Variants in ANKRD17 observed in about 807,000 individuals in gnomAD.
The protein encoded by ANKRD17 is ankyrin repeat domain 17.
In ANKRD17, 19 loss-of-function variants were observed where a neutral mutation model predicts 229.7. The ratio of observed to expected loss-of-function variants is 0.08; its 90% CI spans 0.06 to 0.12. The LOEUF (loss-of-function observed/expected upper bound fraction) is 0.12, where lower values mean the gene tolerates loss of function less well. ANKRD17 is among the 10% of genes least tolerant of loss of function. The probability of loss-of-function intolerance (pLI) is 1.00; values close to 1 mark genes in which losing one functional copy is unlikely to be tolerated. For missense variants in ANKRD17, 2,176 were observed against 3,176.8 expected (o/e 0.68, Z 7.57); for synonymous variants, 1,112 against 1,146.1 (o/e 0.97, Z 0.60).
chr4:73,111,786 T>C (rs867344019), intron 24 of ANKRD17, among the ~76,000 whole-genome samples: 10 of 152,178 alleles, frequency 6.6e-5, no homozygotes, highest in Admixed American at 1.3e-4. Flanking sequence ...GATTCTGTTT[T>C]TTAAAAAAAG....
chr4:73,142,327 T>C lies in ANKRD17; in HGVS notation c.2144A>G (p.Tyr715Cys). 6.3e-7 allele frequency: 1 copy of C among 1,581,496 alleles called. No individual in the cohort carries two copies. The highest frequency in any genetic ancestry group is 2.2e-5 in the East Asian group (1 of 44,488). The change falls in exon 13 of 34, where the codon TAT becomes TGT. Residue 715 changes from tyrosine to cysteine, a missense_variant. Physicochemically the swap from Tyr to Cys is radical, Grantham distance 194. Coordinates refer to ENST00000358602, the MANE Select transcript of ANKRD17 (RefSeq NM_032217.5). ...CAAGTTATTAGGATAATCCAAGAGA[T>C]AGCAAACAACACTTGTATGGCCACC... ...AKGGHTSVVC[Y>C]LLDYPNNLLS...
At chr4:73,134,532 T>G (rs1311501766) in intron 16 of ANKRD17, among the ~76,000 whole-genome samples, 5 of 152,102 alleles carry the variant, frequency 3.3e-5, no homozygotes, top group Non-Finnish European at 7.4e-5. Flanking sequence ...TAATAAAAAA[T>G]TATACTTAAT....
chr4:73,084,113 G>A (rs908890018), intron 30 of ANKRD17, among the ~76,000 whole-genome samples: 1 of 152,116 alleles, frequency 6.6e-6, no homozygotes, highest in Non-Finnish European at 1.5e-5. Flanking sequence ...TAGGCCTGGT[G>A]GCTCACACCT....
rs921562046 is a variant in ANKRD17 at position 73,118,701 on chromosome 4, G to A, written c.4175C>T (p.Ala1392Val). ...ADNRKITPLM[A>V]AFRKGHVKVV... ...AAAGACTTATACCTTTCTAAATGCTGCCATAAGAGGAGTTATCTTGCGGTT... is the reference window on the plus strand; with the variant it reads ...AAAGACTTATACCTTTCTAAATGCTACCATAAGAGGAGTTATCTTGCGGTT... The change falls in exon 22 of 34, where the codon GCA becomes GTA. Residue 1392 changes from alanine (A) to valine (V), a missense_variant. Coordinates refer to ENST00000358602, the MANE Select transcript of ANKRD17 (RefSeq NM_032217.5). The A allele has an allele frequency of 6.2e-7, 1 of 1,613,872 alleles. No homozygotes were observed. The highest frequency in any genetic ancestry group is 1.3e-5 in the African/African-American group (1 of 74,974).
At position 73,150,001 on chromosome 4, in the gene ANKRD17, A is replaced by G. The variant is rs185424100; in HGVS notation, c.1330-951T>C. On this transcript the variant is annotated intron_variant, in intron 7 of 33. Coordinates refer to ENST00000358602, the MANE Select transcript of ANKRD17 (RefSeq NM_032217.5). ...CCTTCAGTAATTTTTTTCCATCTATATGTTATCTCCCAGACATATTCTTTC... is the reference window on the plus strand; with the variant it reads ...CCTTCAGTAATTTTTTTCCATCTATGTGTTATCTCCCAGACATATTCTTTC... 2.0e-3 allele frequency among the ~76,000 whole-genome samples: 300 copies of G among 152,088 alleles called. 1 individual carries two copies. Among genetic ancestry groups the G allele is most frequent in the Admixed American group, 3.3e-3 (51 of 15,280 alleles).
intron 7 of ANKRD17, among the ~76,000 whole-genome samples, chr4:73,150,007 TCTCCCAG>T (rs1288233042): frequency 1.3e-5 from 2 of 152,224 alleles, no homozygotes; most frequent in African/African-American, 2.4e-5. Context: ...CTATATGTTA[TCTCCCAG>T]ACATATTCTT....
chr4:73,214,912 T>C (rs1170310285), intron 1 of ANKRD17, among the ~76,000 whole-genome samples: 1 of 150,186 alleles, frequency 6.7e-6, no homozygotes, highest in East Asian at 1.9e-4. Context: ...CTTGAATATA[T>C]TACTTTAATA....
chr4:73,237,699 T>TA (rs1318201490), intron 1 of ANKRD17, among the ~76,000 whole-genome samples: 1 of 152,198 alleles, frequency 6.6e-6, no homozygotes, highest in Non-Finnish European at 1.5e-5. Flanking sequence ...CTGCTAAGCC[T>TA]ATAGCAGAGA....
At position 73,140,045 on chromosome 4, in the gene ANKRD17, T is replaced by C. The variant is rs1174226496; in HGVS notation, c.2571A>G (p.Glu857=). 7 of 1,614,092 alleles carry C rather than the reference T, an allele frequency of 4.3e-6. No homozygotes were observed. The highest frequency in any genetic ancestry group is 3.3e-5 in the Admixed American group (2 of 59,994). ...KIEELNKTRE[E]QIQKKQKILE... ...AAATCTTTTGTTTCTTCTGAATTTG[T>C]TCCTCCCTTGTTTTGTTGAGCTCCT... Residue 857 remains glutamate (E), a synonymous_variant, in exon 15 of 34, where the codon GAA becomes GAG. Coordinates refer to ENST00000358602, the MANE Select transcript of ANKRD17 (RefSeq NM_032217.5).
At chr4:73,100,657 A>G (rs1448088972) in intron 25 of ANKRD17, among the ~76,000 whole-genome samples, 1 of 152,108 alleles carries the variant, frequency 6.6e-6, no homozygotes, top group African/African-American at 2.4e-5. Flanking sequence ...ATTTCACATG[A>G]TATGTATAGC....
At chr4:73,099,899 A>T (rs1723754707) in intron 25 of ANKRD17, among the ~76,000 whole-genome samples, 1 of 152,036 alleles carries the variant, frequency 6.6e-6, no homozygotes, top group African/African-American at 2.4e-5. Context: ...TGTCCAGGTG[A>T]GGCCCACAAG....
chr4:73,106,112 G>T (rs1208963860), intron 24 of ANKRD17, among the ~76,000 whole-genome samples: 1 of 152,136 alleles, frequency 6.6e-6, no homozygotes, highest in Non-Finnish European at 1.5e-5. Flanking sequence ...TGTGTGTGGG[G>T]GAGGTTAGAG....
At chr4:73,185,900 T>C (rs1421985664) in intron 1 of ANKRD17, among the ~76,000 whole-genome samples, 1 of 151,986 alleles carries the variant, frequency 6.6e-6, no homozygotes, top group African/African-American at 2.4e-5. Flanking sequence ...AAAAAGTGAA[T>C]AGAAAAATTA....
Position 73,077,553 on chromosome 4 carries a change from C to A in ANKRD17, c.7409-20G>T. On this transcript the variant is annotated intron_variant, in intron 31 of 33. Coordinates refer to ENST00000358602, the MANE Select transcript of ANKRD17 (RefSeq NM_032217.5). Reference sequence around the variant, plus strand: ...CTTTGTCTGAGGGCAAACAAAGAGGCAAAACAAAAATAGATAATATTTAAA... The same window carrying A: ...CTTTGTCTGAGGGCAAACAAAGAGGAAAAACAAAAATAGATAATATTTAAA... 4 of 1,527,624 alleles carry A rather than the reference C, an allele frequency of 2.6e-6. No homozygotes were observed. The highest frequency in any genetic ancestry group is 3.5e-6 in the Non-Finnish European group (4 of 1,138,410). The allele number at this position is 1,527,624 out of a possible 1,614,324, so 94.6% of individuals were successfully genotyped here.
chr4:73,229,067 G>A lies in ANKRD17; in HGVS notation c.393+29209C>T, dbSNP rs141266892. Among the ~76,000 whole-genome samples the A allele has an allele frequency of 4.2e-3, 635 of 152,210 alleles. 4 individuals are homozygous for A. The highest frequency in any genetic ancestry group is 0.015 in the African/African-American group (613 of 41,512). On this transcript the variant is annotated intron_variant, in intron 1 of 33. Transcript: ENST00000358602. ...CGAACACTGCATGTTCTCACTCATA[G>A]GTGGGAATTGAACAATGAGAACACT...
In ANKRD17 at chr4:73,097,177, G is replaced by C. The variant is rs779959409; in HGVS notation, c.5117C>G (p.Thr1706Arg). The change falls in exon 27 of 34, where the codon ACA becomes AGA. Residue 1706 changes from threonine to arginine, a missense_variant. By Grantham distance (71) the Thr-to-Arg change is moderately conservative. Transcript: ENST00000358602. ...SPLSSPNGKL[T>R]VASPKRGQKR... Reference sequence around the variant, plus strand: ...TTGCCCACGCTTAGGACTTGCTACTGTTAACTTCCCATTTGGAGAAGAAAG... The same window carrying C: ...TTGCCCACGCTTAGGACTTGCTACTCTTAACTTCCCATTTGGAGAAGAAAG... 1 of 1,612,236 alleles carries C rather than the reference G, an allele frequency of 6.2e-7. No individual in the cohort carries two copies. Among genetic ancestry groups the C allele is most frequent in the South Asian group, 1.1e-5 (1 of 90,660 alleles).
At chr4:73,180,338 C>A (rs1271515140) in intron 1 of ANKRD17, among the ~76,000 whole-genome samples, 2 of 152,068 alleles carry the variant, frequency 1.3e-5, no homozygotes, top group Admixed American at 1.3e-4. Context: ...CAGGGTTTTA[C>A]TGTAGGTTTG....
rs1720862788 is a variant in ANKRD17, at chr4:73,074,011, C to T, written c.*2220G>A. The T allele has an allele frequency of 1.3e-5, 2 of 151,860 alleles. No individual in the cohort carries two copies. Among genetic ancestry groups the T allele is most frequent in the African/African-American group, 4.8e-5 (2 of 41,384 alleles). The allele number at this position is 151,860 out of a possible 1,614,324, so 9.4% of individuals were successfully genotyped here. On this transcript the variant is annotated 3_prime_UTR_variant, in exon 34 of 34. Transcript: ENST00000358602. ...TTTTTTTATTGTTCAAATAAAAGTGCACTGCATTACATCTGAAATATAAAA... is the reference window on the plus strand; with the variant it reads ...TTTTTTTATTGTTCAAATAAAAGTGTACTGCATTACATCTGAAATATAAAA...
At chr4:73,100,372 TC>T (rs1723824010) in intron 25 of ANKRD17, among the ~76,000 whole-genome samples, 1 of 150,614 alleles carries the variant, frequency 6.6e-6, no homozygotes, top group Non-Finnish European at 1.5e-5. Context: ...GACCACCCCC[TC>T]CCCCTGTTCT....
Sources: gnomAD v4.1 joint callset for allele counts (sites outside exome capture counted in the v4.1 genomes callset) on GRCh38, gnomAD v4.1.1 for gene constraint, MANE v1.5 for transcripts, NCBI Gene and HGNC (gene_info 2026-07-23, HGNC 2026-07-21) for gene names.